The following NRXN1 variants were observed in gnomAD, a reference collection of about 807,000 sequenced individuals.
The protein encoded by NRXN1 is neurexin 1.
In NRXN1, 39 loss-of-function variants were observed where a neutral mutation model predicts 150.9. The ratio of observed to expected loss-of-function variants is 0.26; its 90% CI spans 0.20 to 0.34. The LOEUF is 0.34. Among genes scored for constraint, NRXN1 ranks in the 10% least tolerant of loss-of-function variants. NRXN1 has a pLI of 1.00. For synonymous variants in NRXN1, 924 were observed against 757.0 expected, an observed-to-expected ratio of 1.22 and a Z score of -3.62; for missense variants, 1,815 against 1,949.9, an observed-to-expected ratio of 0.93 and a Z score of 1.30.
At chr2:50,420,556 G>A (rs1444569116) in intron 17 of NRXN1, among the ~76,000 whole-genome samples, 2 of 152,120 alleles carry the variant, frequency 1.3e-5, no homozygotes, top group East Asian at 3.9e-4. Context: ...AGAAACAAAT[G>A]TGGATGAGCC....
chr2:49,958,621 G>A (rs191179566), intron 21 of NRXN1, among the ~76,000 whole-genome samples: 5 of 152,058 alleles, frequency 3.3e-5, no homozygotes, highest in African/African-American at 1.2e-4. Context: ...ATCATCATGC[G>A]AACTTACACA....
intron 18 of NRXN1, among the ~76,000 whole-genome samples, chr2:50,141,448 AAG>A (rs1442758255): frequency 2.6e-5 from 4 of 152,106 alleles, no homozygotes; most frequent in Non-Finnish European, 5.9e-5. Flanking sequence ...CAAAAACAAA[AAG>A]AGATAACTGG....
At chr2:50,306,335 C>A (rs2074607478) in intron 17 of NRXN1, among the ~76,000 whole-genome samples, 2 of 152,170 alleles carry the variant, frequency 1.3e-5, no homozygotes, top group African/African-American at 4.8e-5. Flanking sequence ...GATTAATTCA[C>A]AACGGCAGTA....
intron 22 of NRXN1, among the ~76,000 whole-genome samples, chr2:49,925,230 C>T (rs942808093): frequency 1.2e-4 from 17 of 147,206 alleles, no homozygotes; most frequent in African/African-American, 1.8e-4. Context: ...CAGTGAGCTG[C>T]GATCGCACAC....
intron 18 of NRXN1, among the ~76,000 whole-genome samples, chr2:50,115,233 A>ATG (rs1702894419): frequency 2.7e-5 from 4 of 146,306 alleles, no homozygotes; most frequent in Non-Finnish European, 3.0e-5. Flanking sequence ...ATATATATAT[A>ATG]TATATATACA....
At position 50,355,247 on chromosome 2, in the gene NRXN1, A is replaced by C. The variant is rs141342385; in HGVS notation, c.3364+110195T>G. On this transcript the variant is annotated intron_variant, in intron 17 of 22. Transcript: ENST00000401669. Reference sequence around the variant, plus strand: ...CAGAAATTCAGGATATATAAATTATATATATATACATATATATACACATAT... The same window carrying C: ...CAGAAATTCAGGATATATAAATTATCTATATATACATATATATACACATAT... 6.4e-3 allele frequency among the ~76,000 whole-genome samples: 908 copies of C among 141,946 alleles called. 7 individuals carry two copies. The highest frequency in any genetic ancestry group is 0.022 in the African/African-American group (834 of 37,858). The allele number at this position is 141,946 out of a possible 152,430, so 93.1% of individuals were successfully genotyped here. A position where few individuals can be genotyped will look rare whatever the true frequency, so the allele number is the denominator to read the frequency against.
At chr2:51,014,960 A>G (rs1408558052) in intron 2 of NRXN1, among the ~76,000 whole-genome samples, 1 of 152,046 alleles carries the variant, frequency 6.6e-6, no homozygotes, top group African/African-American at 2.4e-5. Flanking sequence ...ACAAAGAATG[A>G]TTATATTTTC....
intron 19 of NRXN1, among the ~76,000 whole-genome samples, chr2:50,083,961 A>C (rs1264870224): frequency 6.6e-6 from 1 of 152,096 alleles, no homozygotes; most frequent in Non-Finnish European, 1.5e-5. Context: ...ACAAACCTTG[A>C]GCTAGATAGA....
chr2:50,958,709 T>C (rs1160557195), intron 2 of NRXN1, among the ~76,000 whole-genome samples: 1 of 152,116 alleles, frequency 6.6e-6, no homozygotes, highest in Non-Finnish European at 1.5e-5. Context: ...CTAAGTGCCC[T>C]GGCTAGAATC....
At chr2:50,072,031 T>G (rs1696361727) in intron 19 of NRXN1, among the ~76,000 whole-genome samples, 1 of 152,220 alleles carries the variant, frequency 6.6e-6, no homozygotes, top group Admixed American at 6.5e-5. Flanking sequence ...TATAAAATAA[T>G]ATTATTTTCA....
At chr2:50,453,926 G>C (rs756610988) in intron 17 of NRXN1, among the ~76,000 whole-genome samples, 24 of 152,128 alleles carry the variant, frequency 1.6e-4, no homozygotes, top group Admixed American at 1.4e-3. Context: ...ATTTCACAAT[G>C]ATCTGATGAT....
intron 17 of NRXN1, among the ~76,000 whole-genome samples, chr2:50,256,774 G>C (rs1378834665): frequency 6.6e-6 from 1 of 152,056 alleles, no homozygotes; most frequent in Non-Finnish European, 1.5e-5. Context: ...GAGCAAAAAT[G>C]ATGTGTGTTT....
chr2:50,864,520 C>G (rs950462772), intron 5 of NRXN1, among the ~76,000 whole-genome samples: 1 of 151,908 alleles, frequency 6.6e-6, no homozygotes, highest in African/African-American at 2.4e-5. Context: ...TTTATTGAAA[C>G]CATACTATGC....
At chr2:50,191,001 A>C (rs2061408448) in intron 18 of NRXN1, among the ~76,000 whole-genome samples, 1 of 151,860 alleles carries the variant, frequency 6.6e-6, no homozygotes, top group African/African-American at 2.4e-5. Flanking sequence ...AAGTTGTGAA[A>C]ATGTACCAGA....
At chr2:50,639,664 A>T (rs1322056246) in intron 5 of NRXN1, among the ~76,000 whole-genome samples, 1 of 152,152 alleles carries the variant, frequency 6.6e-6, no homozygotes, top group African/African-American at 2.4e-5. Flanking sequence ...CCTATCCTAG[A>T]TACCTAATTT....
chr2:50,721,281 T>C (rs1696614908), intron 5 of NRXN1, among the ~76,000 whole-genome samples: 1 of 152,150 alleles, frequency 6.6e-6, no homozygotes. Flanking sequence ...CTTGGCAGGT[T>C]GGATAATCTA....
chr2:50,777,124 T>C lies in NRXN1; in HGVS notation c.832+144745A>G, dbSNP rs115592409. The stretch of plus-strand genomic sequence containing the variant: ...AATCATGAAAATGTGTATTCTCAGA[T>C]GGTGAATATTTGCTTTTTTAAGTAC... On this transcript the variant is annotated intron_variant, in intron 5 of 22. Coordinates refer to ENST00000401669, the MANE Select transcript of NRXN1 (RefSeq NM_001330078.2). Among the ~76,000 whole-genome samples, 373 of 152,220 alleles carry C rather than the reference T, an allele frequency of 2.5e-3. 2 individuals carry two copies. Among genetic ancestry groups the C allele is most frequent in the African/African-American group, 8.8e-3 (366 of 41,550 alleles).
At chr2:50,966,743 ATG>A (rs1250386420) in intron 2 of NRXN1, among the ~76,000 whole-genome samples, 1 of 151,894 alleles carries the variant, frequency 6.6e-6, no homozygotes, top group Non-Finnish European at 1.5e-5. Flanking sequence ...GTGGGGAGAA[ATG>A]AATGGGTAGT....
At chr2:49,987,804 G>T (rs1044180185) in intron 21 of NRXN1, among the ~76,000 whole-genome samples, 1 of 150,846 alleles carries the variant, frequency 6.6e-6, no homozygotes, top group African/African-American at 2.4e-5. Flanking sequence ...AAAGAAACTA[G>T]AATTCTAGAG....
Sources: allele counts gnomAD v4.1 joint callset (sites outside exome capture counted in the v4.1 genomes callset), GRCh38; gene constraint gnomAD v4.1.1; transcripts MANE v1.5; gene names NCBI Gene and HGNC (gene_info 2026-07-23, HGNC 2026-07-21).